The following SCHIP1 variants were observed in gnomAD, a reference collection of about 807,000 sequenced individuals.
The protein encoded by SCHIP1 is schwannomin interacting protein 1.
SCHIP1 carries 8 observed loss-of-function variants against 29.7 expected under a neutral mutation model. That is an observed-to-expected ratio of 0.27 (90% CI 0.16 to 0.49). SCHIP1 has a LOEUF of 0.49. SCHIP1 is among the 20% of genes least tolerant of loss of function. SCHIP1 has a pLI of 0.99. For missense variants in SCHIP1, 193 were observed against 294.6 expected (o/e 0.66, Z 2.52); for synonymous variants, 76 against 94.9 (o/e 0.80, Z 1.16).
the SCHIP1 span, among the ~76,000 whole-genome samples, chr3:159,697,010 T>C: frequency 1.3e-5 from 2 of 152,138 alleles, no homozygotes; most frequent in East Asian, 1.9e-4. Flanking sequence ...CCTAAAGCAA[T>C]GGAAAGGCCA....
the SCHIP1 span, among the ~76,000 whole-genome samples, chr3:159,360,377 G>T: frequency 1.3e-5 from 2 of 152,168 alleles, no homozygotes; most frequent in African/African-American, 4.8e-5. Flanking sequence ...ACTGCAAACA[G>T]GAAATAGAAC....
chr3:159,796,387 G>A, the SCHIP1 span, among the ~76,000 whole-genome samples: 1 of 152,194 alleles, frequency 6.6e-6, no homozygotes. Flanking sequence ...AGTGTTGGTT[G>A]TTGGGCTGGC....
At chr3:159,852,304 G>A (rs915600309) in intron 1 of SCHIP1, among the ~76,000 whole-genome samples, 2 of 152,212 alleles carry the variant, frequency 1.3e-5, no homozygotes, top group Non-Finnish European at 2.9e-5. Flanking sequence ...GTAAGATGGT[G>A]TTGCTAAATG....
the SCHIP1 span, among the ~76,000 whole-genome samples, chr3:159,647,388 T>C: frequency 6.6e-6 from 1 of 152,096 alleles, no homozygotes; most frequent in Non-Finnish European, 1.5e-5. Flanking sequence ...TCTCCAATAC[T>C]CTTTCAAGAA....
At chr3:159,417,975 TGATCAACAAA>T in the SCHIP1 span, among the ~76,000 whole-genome samples, 3 of 152,152 alleles carry the variant, frequency 2.0e-5, no homozygotes, top group Non-Finnish European at 4.4e-5. Context: ...ATATATGAGT[TGATCAACAAA>T]GATCAACAAA....
chr3:159,778,097 T>C, the SCHIP1 span, among the ~76,000 whole-genome samples: 3 of 152,052 alleles, frequency 2.0e-5, no homozygotes, highest in African/African-American at 7.2e-5. Context: ...CTCTCCTAAC[T>C]CAGCCTCCTG....
chr3:159,731,509 G>C, the SCHIP1 span, among the ~76,000 whole-genome samples: 1 of 152,168 alleles, frequency 6.6e-6, no homozygotes, highest in Non-Finnish European at 1.5e-5. Flanking sequence ...TATCTGTTTC[G>C]GAAGGGCTCT....
At chr3:159,856,330 A>G (rs1713362258) in intron 1 of SCHIP1, among the ~76,000 whole-genome samples, 1 of 152,264 alleles carries the variant, frequency 6.6e-6, no homozygotes, top group South Asian at 2.1e-4. Context: ...AAAGGAACAA[A>G]CTACATGGAA....
chr3:159,406,928 A>G, the SCHIP1 span, among the ~76,000 whole-genome samples: 1 of 152,282 alleles, frequency 6.6e-6, no homozygotes, highest in South Asian at 2.1e-4. Flanking sequence ...TTAAAACAAT[A>G]TTGCCAGAGA....
chr3:159,617,165 G>T, the SCHIP1 span, among the ~76,000 whole-genome samples: 1 of 152,148 alleles, frequency 6.6e-6, no homozygotes, highest in African/African-American at 2.4e-5. Flanking sequence ...TGAAAACAGA[G>T]AGCTAGAGAT....
At chr3:159,845,262 C>G (rs1206037642) in intron 1 of SCHIP1, 2 of 152,270 alleles carry the variant, frequency 1.3e-5, no homozygotes, top group Non-Finnish European at 2.9e-5. Context: ...GGAAACTTTT[C>G]CCATTTATTT....
chr3:159,721,940 A>C, the SCHIP1 span: 1 of 418,076 alleles, frequency 2.4e-6, no homozygotes, highest in African/African-American at 2.1e-5. Flanking sequence ...CTTGAAGTTC[A>C]TAAAGGCAGT....
the SCHIP1 span, among the ~76,000 whole-genome samples, chr3:159,601,746 A>G: frequency 6.6e-6 from 1 of 152,196 alleles, no homozygotes; most frequent in Admixed American, 6.5e-5. Flanking sequence ...CTTTTGGTGC[A>G]TTGCACTGTC....
At chr3:159,782,590 C>G in the SCHIP1 span, among the ~76,000 whole-genome samples, 1 of 152,106 alleles carries the variant, frequency 6.6e-6, no homozygotes, top group Admixed American at 6.5e-5. Context: ...TTCTTTCTGC[C>G]TTGAATGTTC....
chr3:159,596,926 G>A, the SCHIP1 span, among the ~76,000 whole-genome samples: 43 of 151,384 alleles, frequency 2.8e-4, no homozygotes, highest in African/African-American at 1.0e-3. Flanking sequence ...GTGCACATGT[G>A]CCCTAGAACT....
the SCHIP1 span, among the ~76,000 whole-genome samples, chr3:159,463,692 C>T: frequency 6.6e-6 from 1 of 152,080 alleles, no homozygotes; most frequent in Admixed American, 6.6e-5. Flanking sequence ...AAAACCTTCC[C>T]TTGTCCCCAT....
At chr3:159,310,912 G>GAGATA in the SCHIP1 span, among the ~76,000 whole-genome samples, 1 of 152,140 alleles carries the variant, frequency 6.6e-6, no homozygotes, top group Non-Finnish European at 1.5e-5. Context: ...AATTGAAATA[G>GAGATA]AGATATGATC....
At chr3:159,413,676 GC>G in the SCHIP1 span, among the ~76,000 whole-genome samples, 1 of 151,998 alleles carries the variant, frequency 6.6e-6, no homozygotes, top group African/African-American at 2.4e-5. Flanking sequence ...CCCCTCTTTA[GC>G]CCTCAGTTCC....
At chr3:159,596,934 A>G in the SCHIP1 span, among the ~76,000 whole-genome samples, 1 of 152,002 alleles carries the variant, frequency 6.6e-6, no homozygotes, top group Admixed American at 6.6e-5. Flanking sequence ...GTGCCCTAGA[A>G]CTTAAAGTAT....
Sources: gnomAD v4.1 joint callset for allele counts (sites outside exome capture counted in the v4.1 genomes callset) on GRCh38, gnomAD v4.1.1 for gene constraint, MANE v1.5 for transcripts, NCBI Gene and HGNC (gene_info 2026-07-23, HGNC 2026-07-21) for gene names.